Variants in SUSD4 observed in about 807,000 individuals in gnomAD.
SUSD4 encodes sushi domain-containing protein 4.
Under a neutral mutation model 50.5 loss-of-function variants are expected in SUSD4, and 41 were observed. The observed-to-expected ratio is 0.81, with a 90% CI of 0.63 to 1.05. SUSD4 has a LOEUF of 1.05. Among genes scored for constraint, SUSD4 ranks in the 50% least tolerant of loss-of-function variants. The pLI is 0.00. For missense variants in SUSD4, 580 were observed against 634.7 expected (o/e 0.91, Z 0.93); for synonymous variants, 257 against 257.3 (o/e 1.00, Z 0.01).
rs912887037 is a variant in SUSD4 at position 223,231,568 on chromosome 1, G to A, written c.725-2180C>T. On this transcript the variant is annotated intron_variant, in intron 5 of 8. Coordinates refer to ENST00000366878, the MANE Select transcript of SUSD4 (RefSeq NM_017982.4). The surrounding 1 kb of genome is among the most constrained non-coding windows in gnomAD (Gnocchi z 4.2). The stretch of plus-strand genomic sequence containing the variant: ...GCTCTTTTCAAGTTTGCTACCACCA[G>A]GGTGCTCTGGGAGCATCTCCAGGAA... Among the ~76,000 whole-genome samples, 1 of 152,188 alleles carries A rather than the reference G, an allele frequency of 6.6e-6. No individual in the cohort carries two copies. Among genetic ancestry groups the A allele is most frequent in the African/African-American group, 2.4e-5 (1 of 41,434 alleles).
chr1:223,281,126 A>C (rs1019837277), intron 3 of SUSD4, among the ~76,000 whole-genome samples: 2 of 152,308 alleles, frequency 1.3e-5, no homozygotes, highest in South Asian at 2.1e-4. Context: ...GTGCCCACAA[A>C]AGAAAGCAGG....
intron 5 of SUSD4, among the ~76,000 whole-genome samples, chr1:223,247,676 G>C (rs775459829): frequency 6.6e-6 from 1 of 152,182 alleles, no homozygotes; most frequent in Non-Finnish European, 1.5e-5. Flanking sequence ...CATTTGAAGA[G>C]TGTAATAATG....
rs561533812 is a variant in SUSD4, at chr1:223,280,219, C to G, written c.362-11544G>C. 5.9e-5 allele frequency among the ~76,000 whole-genome samples: 9 copies of G among 152,262 alleles called. No individual in the cohort carries two copies. The South Asian group carries it at 1.5e-3, about 25-fold the overall frequency. ...CCAGCTAACATCATAATGACAGGAT[C>G]AAATTCACACATAACAATATTAACC... On this transcript the variant is annotated intron_variant, in intron 3 of 8. Transcript: ENST00000366878.
intron 5 of SUSD4, among the ~76,000 whole-genome samples, chr1:223,256,121 G>A (rs1661673229): frequency 6.6e-6 from 1 of 152,186 alleles, no homozygotes; most frequent in Admixed American, 6.5e-5. Flanking sequence ...AGTGTAGCTT[G>A]GGGCAGATCA....
intron 5 of SUSD4, among the ~76,000 whole-genome samples, chr1:223,248,192 G>A (rs975177042): frequency 6.6e-6 from 1 of 152,130 alleles, no homozygotes; most frequent in African/African-American, 2.4e-5. Context: ...TTAATGCTAC[G>A]GTCTCAAGTC....
intron 3 of SUSD4, among the ~76,000 whole-genome samples, chr1:223,286,779 T>C (rs1399889117): frequency 6.6e-6 from 1 of 152,206 alleles, no homozygotes; most frequent in Non-Finnish European, 1.5e-5. Flanking sequence ...CCATCAGATG[T>C]AGAATGTCTC....
intron 5 of SUSD4, among the ~76,000 whole-genome samples, chr1:223,240,929 C>T (rs934555766): frequency 3.9e-5 from 6 of 152,284 alleles, no homozygotes; most frequent in African/African-American, 2.4e-5. Context: ...TGTGGTGCCA[C>T]GCAGGGGAAG....
chr1:223,353,156 G>A (rs1013635647), intron 2 of SUSD4, among the ~76,000 whole-genome samples: 3 of 152,132 alleles, frequency 2.0e-5, no homozygotes, highest in African/African-American at 7.2e-5. Context: ...GCCAGCAGCA[G>A]GCACTGAGAA....
chr1:223,318,452 GA>G (rs1158270154), intron 2 of SUSD4, among the ~76,000 whole-genome samples: 1 of 92,060 alleles, frequency 1.1e-5, no homozygotes, highest in African/African-American at 4.4e-5. Flanking sequence ...CACAATGGTT[GA>G]ACTAGTTTAC....
At chr1:223,305,206 C>A (rs913270190) in intron 2 of SUSD4, among the ~76,000 whole-genome samples, 1 of 152,080 alleles carries the variant, frequency 6.6e-6, no homozygotes, top group Non-Finnish European at 1.5e-5. Context: ...ACAGACAGCT[C>A]AGCTCTGGCC....
intron 3 of SUSD4, among the ~76,000 whole-genome samples, chr1:223,280,711 T>G (rs770661192): frequency 7.3e-5 from 11 of 150,486 alleles, no homozygotes; most frequent in East Asian, 1.9e-4. Flanking sequence ...ATCCAGGAAT[T>G]GAACTCAGCT....
At chr1:223,363,658 C>T in intron 1 of SUSD4, 198 bp from the exon 2 acceptor site, 1 of 535,332 alleles carries the variant, frequency 1.9e-6, no homozygotes, top group Non-Finnish European at 3.2e-6. Flanking sequence ...TAACAGCCGC[C>T]GTGGGATGCT....
intron 6 of SUSD4, among the ~76,000 whole-genome samples, chr1:223,228,110 G>C (rs2102996950): frequency 6.6e-6 from 1 of 152,316 alleles, no homozygotes; most frequent in Non-Finnish European, 1.5e-5. Flanking sequence ...GGAGTGGGAA[G>C]CTGGGCCCTT....
chr1:223,357,781 G>A (rs1406255350), intron 2 of SUSD4, among the ~76,000 whole-genome samples: 1 of 152,094 alleles, frequency 6.6e-6, no homozygotes, highest in Non-Finnish European at 1.5e-5. Flanking sequence ...TATGAGAATG[G>A]ACCAATAAAT....
At chr1:223,319,765 A>T (rs769395467) in intron 2 of SUSD4, among the ~76,000 whole-genome samples, 54 of 152,332 alleles carry the variant, frequency 3.5e-4, no homozygotes, top group Middle Eastern at 6.8e-3. Flanking sequence ...TTGTCAATGA[A>T]ATCAAAAGTT....
Position 223,227,734 on chromosome 1 carries a change from T to C in SUSD4, c.921A>G (p.Gln307=), listed in dbSNP as rs1659612098. 1 of 1,610,946 alleles carries C rather than the reference T, an allele frequency of 6.2e-7. No homozygotes were observed. The highest frequency in any genetic ancestry group is 1.3e-5 in the African/African-American group (1 of 74,850). ...GGGTCTCATGGGTGCTGGGCCACGT[T>C]TGCTCTGCATGAGGGAGAACAAAGC... The part of the protein sequence containing the change: ...SYQVYCIKSE[Q]TWPSTHETLL... Residue 307 remains glutamine (Q), a synonymous_variant, in exon 7 of 9, where the codon CAA becomes CAG. Coordinates refer to ENST00000366878, the MANE Select transcript of SUSD4 (RefSeq NM_017982.4). The surrounding 1 kb of genome is among the most constrained non-coding windows in gnomAD (Gnocchi z 4.5).
At chr1:223,268,318 T>C (rs1402960280) in intron 4 of SUSD4, among the ~76,000 whole-genome samples, 184 bp downstream of exon 4, 1 of 151,986 alleles carries the variant, frequency 6.6e-6, no homozygotes, top group Non-Finnish European at 1.5e-5. Context: ...GGAGTGGTGA[T>C]GGAGAGTCCA....
intron 2 of SUSD4, among the ~76,000 whole-genome samples, chr1:223,329,590 C>A (rs1001715823): frequency 6.6e-6 from 1 of 152,210 alleles, no homozygotes; most frequent in African/African-American, 2.4e-5. Flanking sequence ...CCTGATTTGG[C>A]TCTGCATCCC....
intron 3 of SUSD4, among the ~76,000 whole-genome samples, chr1:223,276,424 C>G (rs1337419154): frequency 2.0e-5 from 3 of 152,206 alleles, no homozygotes; most frequent in Non-Finnish European, 2.9e-5. Context: ...TAACAGCTGT[C>G]AAGATTTGCA....
Sources: allele counts gnomAD v4.1 joint callset (sites outside exome capture counted in the v4.1 genomes callset), GRCh38; gene constraint gnomAD v4.1.1; non-coding constraint Gnocchi (gnomAD v3.1); transcripts MANE v1.5; gene names NCBI Gene and HGNC (gene_info 2026-07-23, HGNC 2026-07-21).